Variants in BACH1 observed in about 807,000 individuals in gnomAD.
BACH1 encodes BTB domain and CNC homolog 1.
Under a neutral mutation model 52.9 loss-of-function variants are expected in BACH1, and 35 were observed. The ratio of observed to expected loss-of-function variants is 0.66; its 90% CI spans 0.51 to 0.88. The LOEUF is 0.88. BACH1 is among the 40% of genes least tolerant of loss of function. The probability of loss-of-function intolerance (pLI) is 0.00; values close to 1 mark genes in which losing one functional copy is unlikely to be tolerated. For synonymous variants in BACH1, 321 were observed against 319.6 expected (o/e 1.00, Z -0.05); for missense variants, 808 against 872.6 (o/e 0.93, Z 0.93).
chr21:29,325,198 C>G (rs1048697599), intron 2 of BACH1, among the ~76,000 whole-genome samples: 5 of 152,010 alleles, frequency 3.3e-5, no homozygotes, highest in Non-Finnish European at 7.4e-5. Flanking sequence ...CCACTGCACT[C>G]CAGCCTGGGC....
In BACH1 at chr21:29,333,079, G is replaced by A. The variant is rs536167136; in HGVS notation, c.1776+3386G>A. Among the ~76,000 whole-genome samples the A allele has an allele frequency of 2.0e-4, 30 of 152,348 alleles. No homozygotes were observed. The South Asian group carries it at 6.2e-3, about 32-fold the overall frequency. ...CTGGCAAACTCCAGTTGCAGCGTGA[G>A]GGGTACATTACAAATTTCTGTACTG... On this transcript the variant is annotated intron_variant, in intron 4 of 4. Coordinates refer to ENST00000286800, the MANE Select transcript of BACH1 (RefSeq NM_001186.4).
Position 29,329,338 on chromosome 21 carries a change from AG to A in BACH1, c.1570-148del. ...GTAGATCAGTGCAGATATCCTTTTG[AG>A]ATTGTATAGAAATTGGGATAGAGGC... On this transcript the variant is annotated intron_variant, in intron 3 of 4. Transcript: ENST00000286800. 8 of 483,344 alleles carry A rather than the reference AG, an allele frequency of 1.7e-5. No homozygotes were observed. The South Asian group carries it at 1.9e-4, about 12-fold the overall frequency. 29.9% of individuals were successfully genotyped at this position (483,344 alleles called of 1,614,324 possible). A position where few individuals can be genotyped will look rare whatever the true frequency, so the allele number is the denominator to read the frequency against.
At chr21:29,307,914 G>T (rs1431220755) in intron 1 of BACH1, among the ~76,000 whole-genome samples, 1 of 152,150 alleles carries the variant, frequency 6.6e-6, no homozygotes, top group Admixed American at 6.6e-5. Flanking sequence ...AATGAGAATT[G>T]CTCAATGGTT....
downstream of BACH1, among the ~76,000 whole-genome samples, chr21:29,349,043 G>A (rs2089187547): frequency 1.3e-5 from 2 of 151,458 alleles, no homozygotes; most frequent in African/African-American, 4.9e-5. Context: ...GCAGTGAGCC[G>A]AGATAGCGCC....
intron 2 of BACH1, chr21:29,351,649 C>A (rs1334151623): frequency 1.9e-6 from 1 of 534,710 alleles, no homozygotes; most frequent in East Asian, 5.4e-5. Flanking sequence ...TGTGGAAAAT[C>A]TGATGTGCCA....
intron 1 of BACH1, chr21:29,305,446 T>C (rs929049347): frequency 5.3e-5 from 8 of 152,192 alleles, no homozygotes; most frequent in Admixed American, 3.9e-4. Flanking sequence ...TCTGAGGGCC[T>C]CCTGTCTTTG....
At chr21:29,323,525 C>T (rs2088873560) in intron 2 of BACH1, among the ~76,000 whole-genome samples, 2 of 152,240 alleles carry the variant, frequency 1.3e-5, no homozygotes, top group South Asian at 2.1e-4. Flanking sequence ...TCACCTATCC[C>T]ACCTTTTTCC....
At chr21:29,357,582 C>T (rs1002646016) in intron 2 of BACH1, among the ~76,000 whole-genome samples, 5 of 152,164 alleles carry the variant, frequency 3.3e-5, no homozygotes, top group Admixed American at 2.6e-4. Flanking sequence ...GAGATCCTTT[C>T]CTTGTATTAT....
chr21:29,320,855 TTCTC>T (rs1388084734), intron 1 of BACH1, among the ~76,000 whole-genome samples: 5 of 151,754 alleles, frequency 3.3e-5, no homozygotes, highest in Non-Finnish European at 7.4e-5. Flanking sequence ...CTCTCCTGCC[TTCTC>T]TCTCTCTCTC....
intron 2 of BACH1, among the ~76,000 whole-genome samples, chr21:29,322,180 G>T (rs1182583283): frequency 6.6e-6 from 1 of 152,094 alleles, no homozygotes; most frequent in Non-Finnish European, 1.5e-5. Context: ...CTCCCATGAC[G>T]TGGCAATTGT....
At position 29,302,365 on chromosome 21, in the gene BACH1, G is replaced by A. The variant is rs570091208; in HGVS notation, c.-61+3412G>A. Among the ~76,000 whole-genome samples the A allele has an allele frequency of 3.7e-4, 56 of 152,316 alleles. 1 individual carries two copies. In the South Asian group the frequency reaches 0.01, roughly 28 times the overall value. On this transcript the variant is annotated intron_variant, in intron 1 of 4. Coordinates refer to ENST00000286800, the MANE Select transcript of BACH1 (RefSeq NM_001186.4). The stretch of plus-strand genomic sequence containing the variant: ...AAACATTGACTTACACTCTCCTGAA[G>A]CCCAGGCACCTGGCTTACACAGTGC...
intron 1 of BACH1, among the ~76,000 whole-genome samples, chr21:29,316,175 C>T (rs2088784274): frequency 6.6e-6 from 1 of 152,092 alleles, no homozygotes; most frequent in South Asian, 2.1e-4. Flanking sequence ...CACATGTTCA[C>T]CTTAGGTTTT....
At chr21:29,336,078 CT>C (rs886606855) in intron 4 of BACH1, among the ~76,000 whole-genome samples, 1 of 151,910 alleles carries the variant, frequency 6.6e-6, no homozygotes, top group African/African-American at 2.4e-5. Context: ...TTCATAGATG[CT>C]TTTTTTTCAA....
At chr21:29,300,238 G>A (rs2088588157) in intron 1 of BACH1, 1 of 152,196 alleles carries the variant, frequency 6.6e-6, no homozygotes, top group Non-Finnish European at 1.5e-5. Flanking sequence ...TTTAACCTAT[G>A]TTTCTGTCAA....
chr21:29,350,038 T>G (rs961146355), downstream of BACH1, among the ~76,000 whole-genome samples: 1 of 152,104 alleles, frequency 6.6e-6, no homozygotes, highest in Non-Finnish European at 1.5e-5. Flanking sequence ...CAGAAAGTCA[T>G]TCTCTGAGGA....
intron 4 of BACH1, among the ~76,000 whole-genome samples, chr21:29,336,672 T>A (rs560528528): frequency 2.0e-5 from 3 of 152,254 alleles, no homozygotes; most frequent in Non-Finnish European, 2.9e-5. Context: ...TTTATTTTTT[T>A]ATTTTTTTTT....
chr21:29,351,204 C>T (rs1313799016), intron 2 of BACH1, among the ~76,000 whole-genome samples: 1 of 152,194 alleles, frequency 6.6e-6, no homozygotes, highest in African/African-American at 2.4e-5. Flanking sequence ...TTTCAGGAGA[C>T]CGGACCTAAA....
At chr21:29,355,756 G>A (rs1040393615) in intron 2 of BACH1, among the ~76,000 whole-genome samples, 5 of 152,224 alleles carry the variant, frequency 3.3e-5, no homozygotes, top group Non-Finnish European at 5.9e-5. Context: ...CCGAAGGCGA[G>A]TAATAGCAAG....
chr21:29,325,717 A>C (rs1406699907), intron 2 of BACH1, among the ~76,000 whole-genome samples: 2 of 152,108 alleles, frequency 1.3e-5, no homozygotes, highest in Admixed American at 6.5e-5. Flanking sequence ...TGTGGCAGGT[A>C]GTGTTCATCC....
Sources: allele counts gnomAD v4.1 joint callset (sites outside exome capture counted in the v4.1 genomes callset), GRCh38; gene constraint gnomAD v4.1.1; transcripts MANE v1.5; gene names NCBI Gene and HGNC (gene_info 2026-07-23, HGNC 2026-07-21).